Variants in SLC25A48 observed in about 807,000 individuals in gnomAD.
The protein encoded by SLC25A48 is CTC-321K16.1.
A neutral mutation model predicts 32.2 loss-of-function variants in SLC25A48; 29 were observed. That is an observed-to-expected ratio of 0.90 (90% CI 0.67 to 1.23). The LOEUF (loss-of-function observed/expected upper bound fraction) is 1.23, where lower values mean the gene tolerates loss of function less well. SLC25A48 is among the 50% of genes most tolerant of loss of function. The pLI is 0.00. For missense variants in SLC25A48, 399 were observed against 422.7 expected, an observed-to-expected ratio of 0.94 and a Z score of 0.49; for synonymous variants, 164 against 172.3, an observed-to-expected ratio of 0.95 and a Z score of 0.38.
At chr5:135,714,043 C>T (rs888409456) in intron 3 of SLC25A48, among the ~76,000 whole-genome samples, 5 of 152,198 alleles carry the variant, frequency 3.3e-5, no homozygotes, top group South Asian at 2.1e-4. Context: ...AATGGTCTCC[C>T]GGTTGTGAGA....
intron 3 of SLC25A48, among the ~76,000 whole-genome samples, chr5:135,700,371 C>CAAAAAAAAA (rs34125451): frequency 1.5e-5 from 1 of 67,936 alleles, no homozygotes; most frequent in African/African-American, 6.3e-5. Flanking sequence ...GACTCTGTCT[C>CAAAAAAAAA]AAAAAAAAAA....
chr5:135,734,363 G>C (rs1755300911), intron 3 of SLC25A48, among the ~76,000 whole-genome samples: 1 of 152,010 alleles, frequency 6.6e-6, no homozygotes, highest in African/African-American at 2.4e-5. Flanking sequence ...GGGCAGGTGG[G>C]GATAACTAAA....
intron 3 of SLC25A48, among the ~76,000 whole-genome samples, chr5:135,770,249 GGAT>G (rs1380186901): frequency 1.3e-5 from 2 of 150,606 alleles, no homozygotes. Context: ...GAGGAGGAGA[GGAT>G]GATATTACTC....
At chr5:135,635,907 T>C (rs1392760632) in intron 3 of SLC25A48, among the ~76,000 whole-genome samples, 3 of 152,212 alleles carry the variant, frequency 2.0e-5, no homozygotes, top group Non-Finnish European at 4.4e-5. Flanking sequence ...TGATACCTTT[T>C]TGAGGACCAA....
chr5:135,623,079 C>T (rs1406269621), intron 1 of SLC25A48, among the ~76,000 whole-genome samples: 1 of 152,234 alleles, frequency 6.6e-6, no homozygotes, highest in East Asian at 1.9e-4. Context: ...TATGCTAAGG[C>T]ACCTCTCCAT....
chr5:135,873,212 A>T (rs1022884064), intron 5 of SLC25A48, among the ~76,000 whole-genome samples: 5 of 152,208 alleles, frequency 3.3e-5, no homozygotes, highest in Admixed American at 1.3e-4. Flanking sequence ...GGGCAGTCTA[A>T]GGTCTCTTTT....
intron 3 of SLC25A48, among the ~76,000 whole-genome samples, chr5:135,703,990 G>A (rs147708153): frequency 1.6e-3 from 250 of 152,314 alleles, no homozygotes; most frequent in Middle Eastern, 3.4e-3. Context: ...TCACATTCTT[G>A]CAAAGATTTC....
At chr5:135,809,504 T>G (rs946953316) in intron 3 of SLC25A48, among the ~76,000 whole-genome samples, 12 of 152,176 alleles carry the variant, frequency 7.9e-5, no homozygotes, top group Non-Finnish European at 1.0e-4. Flanking sequence ...TGAAGTATAA[T>G]TGATGTACAG....
intron 4 of SLC25A48, among the ~76,000 whole-genome samples, chr5:135,826,199 C>G (rs1248338281): frequency 2.0e-5 from 3 of 152,128 alleles, no homozygotes; most frequent in Non-Finnish European, 4.4e-5. Context: ...GCCCACCAGG[C>G]TGCTCCCTGC....
chr5:135,888,119 C>A lies in SLC25A48; in HGVS notation c.*95C>A. ...AGCTGCAGATGTTTGGCCTTTGGAC[C>A]TCCAAGTGGACATCAATTAGCAAGC... On this transcript the variant is annotated 3_prime_UTR_variant, in exon 8 of 8. Coordinates refer to ENST00000681962, the MANE Select transcript of SLC25A48 (RefSeq NM_001349336.2). 6.5e-7 allele frequency: 1 copy of A among 1,547,782 alleles called. No individual in the cohort carries two copies. The highest frequency in any genetic ancestry group is 8.7e-7 in the Non-Finnish European group (1 of 1,143,810).
intron 3 of SLC25A48, among the ~76,000 whole-genome samples, chr5:135,776,007 TGTGACATG>T (rs1296771911): frequency 1.3e-5 from 2 of 151,818 alleles, no homozygotes; most frequent in Non-Finnish European, 2.9e-5. Flanking sequence ...ACACCCTCTT[TGTGACATG>T]GTTCCATATA....
At chr5:135,861,738 C>A (rs975146434) in intron 4 of SLC25A48, among the ~76,000 whole-genome samples, 3 of 152,098 alleles carry the variant, frequency 2.0e-5, no homozygotes, top group African/African-American at 4.8e-5. Context: ...AATGTGTGGG[C>A]TCTTTGATTC....
chr5:135,878,563 C>CG (rs768355704), intron 6 of SLC25A48, among the ~76,000 whole-genome samples: 5 of 152,250 alleles, frequency 3.3e-5, no homozygotes, highest in Non-Finnish European at 7.4e-5. Context: ...ACATGTTGCA[C>CG]CCTGGAGGCT....
intron 3 of SLC25A48, among the ~76,000 whole-genome samples, chr5:135,667,989 T>C (rs536483789): frequency 6.6e-6 from 1 of 152,304 alleles, no homozygotes; most frequent in South Asian, 2.1e-4. Context: ...AAAATCTATT[T>C]AGAAATTTCT....
intron 3 of SLC25A48, among the ~76,000 whole-genome samples, chr5:135,643,667 A>G (rs1361326330): frequency 6.6e-6 from 1 of 152,170 alleles, no homozygotes; most frequent in Non-Finnish European, 1.5e-5. Context: ...GCATCTCGTC[A>G]TGCCAGAAAC....
chr5:135,888,192 G>C lies in SLC25A48; in HGVS notation c.*168G>C. 1.9e-6 allele frequency: 2 copies of C among 1,034,018 alleles called. No homozygotes were observed. Among genetic ancestry groups the C allele is most frequent in the Non-Finnish European group, 2.9e-6 (2 of 696,040 alleles). The allele number at this position is 1,034,018 out of a possible 1,614,324, so 64.1% of individuals were successfully genotyped here. On this transcript the variant is annotated 3_prime_UTR_variant, in exon 8 of 8. Transcript: ENST00000681962. ...CTGACGTGGCCCTTCTGATGCCTGG[G>C]ATGCCTCATGAGTCACTGATTCAAG... is the stretch of plus-strand genomic sequence containing the variant.
intron 3 of SLC25A48, among the ~76,000 whole-genome samples, chr5:135,699,733 T>G (rs1292521145): frequency 6.6e-6 from 1 of 152,214 alleles, no homozygotes; most frequent in African/African-American, 2.4e-5. Context: ...TGTAGCACAG[T>G]GATAGACTGC....
At chr5:135,862,753 A>G (rs1760899470) in intron 4 of SLC25A48, among the ~76,000 whole-genome samples, 1 of 152,196 alleles carries the variant, frequency 6.6e-6, no homozygotes, top group Non-Finnish European at 1.5e-5. Context: ...ACATAGGGGA[A>G]GATTTAGTGG....
intron 3 of SLC25A48, among the ~76,000 whole-genome samples, chr5:135,738,816 T>C (rs1467532580): frequency 2.6e-5 from 4 of 152,192 alleles, no homozygotes; most frequent in African/African-American, 9.6e-5. Flanking sequence ...GTGCAGTGGC[T>C]CATATTTGTA....
Sources: allele counts gnomAD v4.1 joint callset (sites outside exome capture counted in the v4.1 genomes callset), GRCh38; gene constraint gnomAD v4.1.1; transcripts MANE v1.5; gene names NCBI Gene and HGNC (gene_info 2026-07-23, HGNC 2026-07-21).